The following ZNRF1 variants were observed in gnomAD, a reference collection of about 807,000 sequenced individuals.
ZNRF1 encodes the protein zinc and ring finger 1.
Under a neutral mutation model 18.4 loss-of-function variants are expected in ZNRF1, and 3 were observed. The ratio of observed to expected loss-of-function variants is 0.16; its 90% CI spans 0.07 to 0.42. The LOEUF is 0.42. Ranked by LOEUF, ZNRF1 falls within the 10% of genes least tolerant of loss-of-function variation. ZNRF1 has a pLI of 0.99. For synonymous variants in ZNRF1, 157 were observed against 144.2 expected, an observed-to-expected ratio of 1.09 and a Z score of -0.64; for missense variants, 310 against 329.8, an observed-to-expected ratio of 0.94 and a Z score of 0.47.
intron 1 of ZNRF1, among the ~76,000 whole-genome samples, chr16:75,040,351 C>T (rs566940141): frequency 6.6e-6 from 1 of 151,976 alleles, no homozygotes; most frequent in Admixed American, 6.6e-5. Flanking sequence ...AACTCTTGGG[C>T]TCAAGCAATC....
chr16:75,062,991 C>G (rs8064003), intron 1 of ZNRF1, among the ~76,000 whole-genome samples: 5,517 of 152,260 alleles, frequency 0.036, 321 homozygotes, highest in African/African-American at 0.13. Flanking sequence ...TCCAGAACTT[C>G]CCCTTGAGGG....
chr16:75,065,176 G>A (rs930731674), intron 1 of ZNRF1, among the ~76,000 whole-genome samples: 10 of 152,248 alleles, frequency 6.6e-5, no homozygotes, highest in African/African-American at 2.2e-4. Context: ...CAGAGCTGAA[G>A]ACGAGGAAAA....
intron 1 of ZNRF1, among the ~76,000 whole-genome samples, chr16:75,038,357 C>A (rs965532422): frequency 2.0e-5 from 3 of 152,144 alleles, no homozygotes; most frequent in Non-Finnish European, 4.4e-5. Context: ...CTGTGGCTGT[C>A]TCCCTAGTTG....
At chr16:75,092,548 A>G (rs920945072) in intron 1 of ZNRF1, among the ~76,000 whole-genome samples, 14 of 152,284 alleles carry the variant, frequency 9.2e-5, no homozygotes, top group African/African-American at 2.7e-4. Flanking sequence ...AATCATTTCA[A>G]TGAAAGTAGA....
rs1292850789 is a variant in ZNRF1, at chr16:75,050,750, A to C, written c.425-42822A>C. 3.3e-5 allele frequency among the ~76,000 whole-genome samples: 5 copies of C among 151,006 alleles called. No individual in the cohort carries two copies. In the East Asian group the frequency reaches 7.8e-4, roughly 24 times the overall value. Reference sequence around the variant, plus strand: ...GCTGGGCATGGTGGCAGGCGCCTGTAGTCCCAGCTACTCAGGAGGCTGAGG... The same window carrying C: ...GCTGGGCATGGTGGCAGGCGCCTGTCGTCCCAGCTACTCAGGAGGCTGAGG... On this transcript the variant is annotated intron_variant, in intron 1 of 4. Coordinates refer to ENST00000335325, the MANE Select transcript of ZNRF1 (RefSeq NM_032268.5).
chr16:75,063,886 G>GC (rs970443730), intron 1 of ZNRF1, among the ~76,000 whole-genome samples: 12 of 152,184 alleles, frequency 7.9e-5, no homozygotes, highest in African/African-American at 2.7e-4. Context: ...GTGTGTATCT[G>GC]CCCCCCTCAT....
chr16:75,037,656 G>A (rs528803804), intron 1 of ZNRF1, among the ~76,000 whole-genome samples: 2 of 152,142 alleles, frequency 1.3e-5, no homozygotes, highest in Admixed American at 6.6e-5. Context: ...TTGTTTGTGG[G>A]TAGATCTCCC....
At chr16:75,019,645 C>G (rs2035118293) in intron 1 of ZNRF1, among the ~76,000 whole-genome samples, 1 of 152,134 alleles carries the variant, frequency 6.6e-6, no homozygotes, top group East Asian at 1.9e-4. Context: ...TCTGTATGTC[C>G]TTACATCAAG....
At chr16:75,071,104 T>TC (rs1247115542) in intron 1 of ZNRF1, among the ~76,000 whole-genome samples, 2 of 150,612 alleles carry the variant, frequency 1.3e-5, no homozygotes, top group African/African-American at 4.9e-5. Context: ...GTGTCTTTTT[T>TC]TTTTTTTTCT....
rs74026675 is a variant in ZNRF1, at chr16:75,095,514, C to G, written c.520+1847C>G. On this transcript the variant is annotated intron_variant, in intron 2 of 4. Transcript: ENST00000335325. ...CTCAAAAACCCTATTCACTTCTTTC[C>G]CACATGTGTGGAGACCTCATGAAGT... The G allele has an allele frequency of 1.6e-3, 2,119 of 1,348,066 alleles. 28 individuals are homozygous for G. The African/African-American group carries it at 0.026, about 17-fold the overall frequency. The allele number at this position is 1,348,066 out of a possible 1,614,324, so 83.5% of individuals were successfully genotyped here.
chr16:75,069,179 A>G (rs1021644811), intron 1 of ZNRF1, among the ~76,000 whole-genome samples: 5 of 152,172 alleles, frequency 3.3e-5, no homozygotes, highest in Non-Finnish European at 7.4e-5. Flanking sequence ...CAGAAAAGAA[A>G]AAAAAAAGGA....
rs1202867932 is a variant in ZNRF1, at chr16:75,062,521, G to T, written c.425-31051G>T. 3.3e-5 allele frequency among the ~76,000 whole-genome samples: 5 copies of T among 152,226 alleles called. No individual in the cohort carries two copies. The East Asian group carries it at 9.6e-4, about 29-fold the overall frequency. The stretch of plus-strand genomic sequence containing the variant: ...TTACCTTTCCACAGCAGCTTTGGCC[G>T]CATGCCCCCGAGCTCCCTTTGTCAT... On this transcript the variant is annotated intron_variant, in intron 1 of 4. Transcript: ENST00000335325.
chr16:75,002,375 G>C (rs1283218213), intron 1 of ZNRF1: 2 of 152,160 alleles, frequency 1.3e-5, no homozygotes, highest in Non-Finnish European at 2.9e-5. Flanking sequence ...CTTTGAGTAA[G>C]GTCTAAGCAG....
Position 75,064,484 on chromosome 16 carries a change from G to A in ZNRF1, c.425-29088G>A, listed in dbSNP as rs749761333. Among the ~76,000 whole-genome samples the A allele has an allele frequency of 2.6e-5, 4 of 151,532 alleles. No individual in the cohort carries two copies. The East Asian group carries it at 7.7e-4, about 29-fold the overall frequency. On this transcript the variant is annotated intron_variant, in intron 1 of 4. Transcript: ENST00000335325. Reference sequence around the variant, plus strand: ...GGCAGGAGAATTGTTTGAGCCCGGGGTGCAGAGGTTGCAGTGAGCCAAGAT... The same window carrying A: ...GGCAGGAGAATTGTTTGAGCCCGGGATGCAGAGGTTGCAGTGAGCCAAGAT...
At position 75,064,852 on chromosome 16, in the gene ZNRF1, C is replaced by T. The variant is rs187655767; in HGVS notation, c.425-28720C>T. Among the ~76,000 whole-genome samples, 7 of 152,330 alleles carry T rather than the reference C, an allele frequency of 4.6e-5. No individual in the cohort carries two copies. The East Asian group carries it at 7.7e-4, about 17-fold the overall frequency. ...TCAAGGAAAGCCAGAGAGAGCTTTT[C>T]GGAAGAACCGACTGCTGGGCCCTGC... is the stretch of plus-strand genomic sequence containing the variant. On this transcript the variant is annotated intron_variant, in intron 1 of 4. Transcript: ENST00000335325.
chr16:75,076,790 G>T (rs894034010), intron 1 of ZNRF1, among the ~76,000 whole-genome samples: 3 of 151,508 alleles, frequency 2.0e-5, no homozygotes, highest in African/African-American at 7.3e-5. Context: ...AGAAGAGGTC[G>T]TGAGTGTGGT....
chr16:75,043,093 A>G (rs867013361), intron 1 of ZNRF1, among the ~76,000 whole-genome samples: 7 of 152,342 alleles, frequency 4.6e-5, no homozygotes, highest in South Asian at 4.1e-4. Flanking sequence ...ACTGTCTACA[A>G]TAAAGAACAA....
intron 1 of ZNRF1, among the ~76,000 whole-genome samples, chr16:75,014,565 GTTATTT>G (rs1248446607): frequency 6.6e-6 from 1 of 152,090 alleles, no homozygotes; most frequent in African/African-American, 2.4e-5. Context: ...GGATATTAAA[GTTATTT>G]TTAGTTTTTG....
intron 1 of ZNRF1, among the ~76,000 whole-genome samples, chr16:75,003,273 C>T (rs761174413): frequency 1.1e-4 from 17 of 152,224 alleles, no homozygotes; most frequent in Non-Finnish European, 2.1e-4. Context: ...CTTAATCATT[C>T]TTAACACACT....
Sources: allele counts gnomAD v4.1 joint callset (sites outside exome capture counted in the v4.1 genomes callset), GRCh38; gene constraint gnomAD v4.1.1; transcripts MANE v1.5; gene names NCBI Gene and HGNC (gene_info 2026-07-23, HGNC 2026-07-21).